ERCC6: variants seen among roughly 807,000 people sequenced by gnomAD.
The protein encoded by ERCC6 is ERCC excision repair 6, chromatin remodeling factor.
In ERCC6, 116 loss-of-function variants were observed where a neutral mutation model predicts 158.7. The observed-to-expected ratio is 0.73, with a 90% CI of 0.63 to 0.85. The LOEUF (loss-of-function observed/expected upper bound fraction) is 0.85. Ranked by LOEUF, ERCC6 falls within the 40% of genes least tolerant of loss-of-function variation. ERCC6 has a pLI of 0.00. For synonymous variants in ERCC6, 678 were observed against 659.3 expected, an observed-to-expected ratio of 1.03 and a Z score of -0.43; for missense variants, 1,698 against 1,799.4, an observed-to-expected ratio of 0.94 and a Z score of 1.02.
chr10:49,499,359 T>C (rs1170660967), intron 7 of ERCC6, among the ~76,000 whole-genome samples: 1 of 152,186 alleles, frequency 6.6e-6, no homozygotes, highest in African/African-American at 2.4e-5. Context: ...GAGTAAGAAA[T>C]AAAACACTAA....
Position 49,516,271 on chromosome 10 carries a change from A to G in ERCC6, c.1397+7762T>C. 1 of 1,614,178 alleles carries G rather than the reference A, an allele frequency of 6.2e-7. No individual in the cohort carries two copies. The highest frequency in any genetic ancestry group is 1.1e-5 in the South Asian group (1 of 91,088). On this transcript the variant is annotated intron_variant, in intron 5 of 20. Coordinates refer to ENST00000355832, the MANE Select transcript of ERCC6 (RefSeq NM_000124.4). ...GGCTTTCCCCGAATAAATTGTTTGC[A>G]CCCGTGACGACCAAAATAAGGAACC...
chr10:49,448,077 T>C, the ERCC6 span, among the ~76,000 whole-genome samples: 102,575 of 152,120 alleles, frequency 0.67, 34,983 homozygotes, highest in South Asian at 0.8. Context: ...TTGGATCATA[T>C]GGTAATTGTA....
intron 5 of ERCC6, chr10:49,506,228 C>T (rs1851440255): frequency 3.5e-6 from 2 of 578,762 alleles, no homozygotes; most frequent in South Asian, 4.3e-5. Flanking sequence ...ATTATAGCTG[C>T]TCTAGAAATA....
Position 49,516,279 on chromosome 10 carries a change from C to T in ERCC6, c.1397+7754G>A, listed in dbSNP as rs577455788. 2.0e-5 allele frequency: 32 copies of T among 1,614,074 alleles called. No homozygotes were observed. In the South Asian group the frequency reaches 2.5e-4, roughly 13 times the overall value. ...CCGAATAAATTGTTTGCACCCGTGA[C>T]GACCAAAATAAGGAACCATGAATTC... On this transcript the variant is annotated intron_variant, in intron 5 of 20. Coordinates refer to ENST00000355832, the MANE Select transcript of ERCC6 (RefSeq NM_000124.4).
chr10:49,502,678 A>ATTG (rs1851375328), intron 6 of ERCC6: 1 of 152,212 alleles, frequency 6.6e-6, no homozygotes, highest in South Asian at 2.1e-4. Context: ...CTAGACCAAT[A>ATTG]GTTCTCAGCC....
At chr10:49,515,828 A>G (rs1292371330) in intron 5 of ERCC6, 2 of 1,614,170 alleles carry the variant, frequency 1.2e-6, no homozygotes. Flanking sequence ...GACACAGGGG[A>G]TGGATACCAG....
At chr10:49,449,502 A>G (rs1456185358), downstream of ERCC6, among the ~76,000 whole-genome samples, 1 of 148,464 alleles carries the variant, frequency 6.7e-6, no homozygotes, top group Non-Finnish European at 1.5e-5. Context: ...GCCCAAGTTC[A>G]TGAAGATTTA....
At chr10:49,512,317 C>T (rs1050342649) in intron 5 of ERCC6, among the ~76,000 whole-genome samples, 7 of 152,160 alleles carry the variant, frequency 4.6e-5, no homozygotes, top group Admixed American at 6.5e-5. Flanking sequence ...TCTGGTACAT[C>T]TACCTCAGAA....
chr10:49,490,876 T>G (rs776574740), intron 8 of ERCC6, among the ~76,000 whole-genome samples: 1 of 152,204 alleles, frequency 6.6e-6, no homozygotes, highest in Non-Finnish European at 1.5e-5. Context: ...CACAGAAAGC[T>G]CATCCACTGT....
intron 1 of ERCC6, among the ~76,000 whole-genome samples, chr10:49,533,318 T>G (rs1837517519): frequency 1.3e-5 from 2 of 152,216 alleles, no homozygotes; most frequent in South Asian, 4.1e-4. Context: ...TTTTCCAAGT[T>G]AGCATCTTCA....
chr10:49,495,523 TAA>T (rs935844571), intron 7 of ERCC6, among the ~76,000 whole-genome samples: 9 of 152,166 alleles, frequency 5.9e-5, no homozygotes, highest in African/African-American at 1.9e-4. Context: ...ATGCCAAATC[TAA>T]GTCTCCAGCC....
At chr10:49,493,057 C>A in intron 8 of ERCC6, 60 bp downstream of exon 8, 3 of 1,581,306 alleles carry the variant, frequency 1.9e-6, no homozygotes, top group Non-Finnish European at 2.6e-6. Context: ...AGAGAAAAAC[C>A]AAATATGTAA....
intron 18 of ERCC6, among the ~76,000 whole-genome samples, chr10:49,466,839 T>C (rs1590402374): frequency 6.6e-6 from 1 of 152,138 alleles, no homozygotes; most frequent in Admixed American, 6.5e-5. Context: ...CAGGCAGGAG[T>C]ACAATGGTGT....
At chr10:49,466,613 T>C (rs1020576469) in intron 18 of ERCC6, among the ~76,000 whole-genome samples, 1 of 152,186 alleles carries the variant, frequency 6.6e-6, no homozygotes, top group Non-Finnish European at 1.5e-5. Flanking sequence ...CTCATGTCCC[T>C]TTGTAATCCC....
rs778873369 is a variant in ERCC6 at position 49,470,641 on chromosome 10, G to A, written c.3319C>T (p.Leu1107Phe). Residue 1107 changes from leucine to phenylalanine, a missense_variant, in exon 18 of 21, where the codon CTT becomes TTT. Leu to Phe is a conservative substitution (Grantham distance 22, BLOSUM62 0). Coordinates refer to ENST00000355832, the MANE Select transcript of ERCC6 (RefSeq NM_000124.4). ...GATACTGCATTTGTCTCTTCTCCAAGCCTATCATTGCTAGTTACATTACTA... is the reference window on the plus strand; with the variant it reads ...GATACTGCATTTGTCTCTTCTCCAAACCTATCATTGCTAGTTACATTACTA... ...MSSNVTSNDR[L>F]GEETNAVSGP... 15 of 1,613,566 alleles carry A rather than the reference G, an allele frequency of 9.3e-6. No homozygotes were observed. The Admixed American group carries it at 2.5e-4, about 27-fold the overall frequency.
At chr10:49,520,494 T>C (rs191158266) in intron 5 of ERCC6, among the ~76,000 whole-genome samples, 3 of 152,244 alleles carry the variant, frequency 2.0e-5, no homozygotes, top group African/African-American at 4.8e-5. Flanking sequence ...GGAAATGCAT[T>C]TTCTCACTCA....
At chr10:49,477,395 C>A in intron 11 of ERCC6, among the ~76,000 whole-genome samples, 1 of 152,134 alleles carries the variant, frequency 6.6e-6, no homozygotes, top group Non-Finnish European at 1.5e-5. Flanking sequence ...CACCCATTAG[C>A]CTCCAAGTGG....
At chr10:49,538,623 C>T (rs1462150541) in intron 1 of ERCC6, among the ~76,000 whole-genome samples, 6 of 152,172 alleles carry the variant, frequency 3.9e-5, no homozygotes, top group Non-Finnish European at 7.3e-5. Flanking sequence ...TAGCCCGACT[C>T]TCTTTAAAAT....
At chr10:49,465,174 C>T (rs770687933) in intron 18 of ERCC6, among the ~76,000 whole-genome samples, 16 of 152,174 alleles carry the variant, frequency 1.1e-4, no homozygotes, top group Admixed American at 2.6e-4. Context: ...CTTGCATCAG[C>T]GTGACCTGGA....
Sources: gnomAD v4.1 joint callset for allele counts (sites outside exome capture counted in the v4.1 genomes callset) on GRCh38, gnomAD v4.1.1 for gene constraint, MANE v1.5 for transcripts, NCBI Gene and HGNC (gene_info 2026-07-23, HGNC 2026-07-21) for gene names.